Variants in MCC observed in about 807,000 individuals in gnomAD.
MCC encodes MCC regulator of Wnt signaling pathway.
In MCC, 90 loss-of-function variants were observed where a neutral mutation model predicts 116.2. The ratio of observed to expected loss-of-function variants is 0.77; its 90% CI spans 0.65 to 0.92. The LOEUF (loss-of-function observed/expected upper bound fraction) is 0.92, where lower values mean the gene tolerates loss of function less well. MCC is among the 40% of genes least tolerant of loss of function. MCC has a pLI of 0.00. For synonymous variants in MCC, 578 were observed against 510.5 expected (o/e 1.13, Z -1.78); for missense variants, 1,516 against 1,312.2 (o/e 1.16, Z -2.40).
At chr5:113,483,328 G>C (rs1193142998) in intron 1 of MCC, among the ~76,000 whole-genome samples, 1 of 152,158 alleles carries the variant, frequency 6.6e-6, no homozygotes, top group African/African-American at 2.4e-5. Context: ...TTCTGAGAAG[G>C]ACTGCATTGA....
intron 1 of MCC, 112 bp downstream of exon 1, chr5:113,488,133 C>T: frequency 2.6e-6 from 3 of 1,141,322 alleles, no homozygotes; most frequent in Non-Finnish European, 3.5e-6. Context: ...ACTTTTCCCG[C>T]GAGCTTCTGA....
At chr5:113,369,257 G>T (rs1470887689) in intron 2 of MCC, among the ~76,000 whole-genome samples, 1 of 151,648 alleles carries the variant, frequency 6.6e-6, no homozygotes, top group Admixed American at 6.6e-5. Flanking sequence ...TCCTGCCTTG[G>T]TCTTTTCAGT....
At chr5:113,252,593 A>G (rs1467262732) in intron 3 of MCC, among the ~76,000 whole-genome samples, 3 of 152,210 alleles carry the variant, frequency 2.0e-5, no homozygotes, top group Non-Finnish European at 4.4e-5. Flanking sequence ...TTCATTATAT[A>G]TTACAATGTA....
intron 1 of MCC, among the ~76,000 whole-genome samples, chr5:113,479,319 T>C (rs1772312468): frequency 6.6e-6 from 1 of 152,158 alleles, no homozygotes; most frequent in Admixed American, 6.5e-5. Context: ...GGACTGGGTC[T>C]GGGGTAGCAA....
intron 3 of MCC, among the ~76,000 whole-genome samples, chr5:113,222,418 ATCT>A (rs1192257833): frequency 1.3e-5 from 2 of 152,184 alleles, no homozygotes; most frequent in Non-Finnish European, 2.9e-5. Flanking sequence ...CATTAAGGTA[ATCT>A]TGGCCTCATA....
intron 6 of MCC, among the ~76,000 whole-genome samples, chr5:113,107,582 G>C (rs886948862): frequency 1.3e-5 from 2 of 152,160 alleles, no homozygotes; most frequent in African/African-American, 2.4e-5. Context: ...GTGAGGAGAA[G>C]AACAACTCAG....
rs371765695 is a variant in MCC, at chr5:113,135,327, G to C, written c.884+7891C>G. Among the ~76,000 whole-genome samples the C allele has an allele frequency of 8.7e-3, 1,273 of 146,146 alleles. 24 individuals are homozygous for C. The highest frequency in any genetic ancestry group is 0.04 in the East Asian group (186 of 4,622). ...CCCAGCACTTTGGGAGGCCGAGGCG[G>C]GTGGATCACAAGGTCAGGAGATCGA... is the stretch of plus-strand genomic sequence containing the variant. On this transcript the variant is annotated intron_variant, in intron 5 of 18. Coordinates refer to ENST00000408903, the MANE Select transcript of MCC (RefSeq NM_001085377.2).
intron 3 of MCC, among the ~76,000 whole-genome samples, chr5:113,250,254 G>C (rs1172408296): frequency 1.3e-5 from 2 of 152,198 alleles, no homozygotes; most frequent in South Asian, 4.1e-4. Flanking sequence ...AGTCACCAAG[G>C]AGCATCTTCC....
At chr5:113,092,986 C>T (rs1196439330) in intron 8 of MCC, among the ~76,000 whole-genome samples, 1 of 152,120 alleles carries the variant, frequency 6.6e-6, no homozygotes, top group Non-Finnish European at 1.5e-5. Context: ...AGGTGGGTCA[C>T]TATAGAATGC....
At chr5:113,437,744 T>TATA (rs1770903985) in intron 1 of MCC, among the ~76,000 whole-genome samples, 1 of 152,222 alleles carries the variant, frequency 6.6e-6, no homozygotes, top group Admixed American at 6.5e-5. Flanking sequence ...TTAGATGCTT[T>TATA]AAATTCAAAA....
intron 1 of MCC, among the ~76,000 whole-genome samples, chr5:113,400,549 C>A (rs1244663843): frequency 6.6e-6 from 1 of 152,178 alleles, no homozygotes; most frequent in Non-Finnish European, 1.5e-5. Flanking sequence ...AAGCAAGACT[C>A]AGCCTATCTT....
At chr5:113,395,574 C>A (rs1444304465) in intron 1 of MCC, among the ~76,000 whole-genome samples, 2 of 152,162 alleles carry the variant, frequency 1.3e-5, no homozygotes, top group Non-Finnish European at 2.9e-5. Flanking sequence ...TTTTCTCTTG[C>A]AATATATGAA....
At position 113,434,427 on chromosome 5, in the gene MCC, T is replaced by C. The variant is rs759461458; in HGVS notation, c.171-49215A>G. The C allele has an allele frequency of 6.2e-7, 1 of 1,613,864 alleles. No individual in the cohort carries two copies. Among genetic ancestry groups the C allele is most frequent in the Non-Finnish European group, 8.5e-7 (1 of 1,179,982 alleles). On this transcript the variant is annotated intron_variant, in intron 1 of 18. Coordinates refer to ENST00000408903, the MANE Select transcript of MCC (RefSeq NM_001085377.2). The surrounding 1 kb of genome is among the most constrained non-coding windows in gnomAD (Gnocchi z 4.2). The stretch of plus-strand genomic sequence containing the variant: ...CTTGTCAAGGAGAAGGTTGTCACAC[T>C]TGAGGTCCCGGTGGACGACGTCCAG...
At position 113,022,321 on chromosome 5, in the gene MCC, A is replaced by G. The variant is rs936168762; in HGVS notation, c.*4981T>C. Reference sequence around the variant, plus strand: ...AGGTATAGTACAGTGTTAAGTAGCAATTTTAAAATGAGACTTTCAGTACAA... The same window carrying G: ...AGGTATAGTACAGTGTTAAGTAGCAGTTTTAAAATGAGACTTTCAGTACAA... On this transcript the variant is annotated 3_prime_UTR_variant, in exon 19 of 19. Transcript: ENST00000408903. 7 of 152,666 alleles carry G rather than the reference A, an allele frequency of 4.6e-5. No homozygotes were observed. Among genetic ancestry groups the G allele is most frequent in the Admixed American group, 2.6e-4 (4 of 15,286 alleles). The allele number at this position is 152,666 out of a possible 1,614,324, so 9.5% of individuals were successfully genotyped here.
chr5:113,459,091 C>T (rs964353242), intron 1 of MCC, among the ~76,000 whole-genome samples: 12 of 135,710 alleles, frequency 8.8e-5, no homozygotes, highest in Admixed American at 2.3e-4. Flanking sequence ...ATGCTCTGAA[C>T]AGGTGATGGC....
At chr5:113,150,493 G>C (rs1289775272) in intron 4 of MCC, among the ~76,000 whole-genome samples, 1 of 151,606 alleles carries the variant, frequency 6.6e-6, no homozygotes, top group African/African-American at 2.4e-5. Context: ...ACATGAGACA[G>C]AAAAGAACGT....
At chr5:113,374,568 CAT>C (rs928422799) in intron 2 of MCC, among the ~76,000 whole-genome samples, 34 of 152,278 alleles carry the variant, frequency 2.2e-4, no homozygotes, top group African/African-American at 8.2e-4. Flanking sequence ...TTTGAAGTCA[CAT>C]GTTTCATCTT....
At position 113,082,827 on chromosome 5, in the gene MCC, C is replaced by T. The variant is rs200192310; in HGVS notation, c.1784+33G>A. Reference sequence around the variant, plus strand: ...AGTGAGGAGTAGCACCTCCTCCCTGCCCCACAATCAAATCGATACGATCTC... The same window carrying T: ...AGTGAGGAGTAGCACCTCCTCCCTGTCCCACAATCAAATCGATACGATCTC... On this transcript the variant is annotated intron_variant, in intron 11 of 18. Transcript: ENST00000408903. The T allele has an allele frequency of 2.2e-4, 352 of 1,607,702 alleles. 1 individual carries two copies. The African/African-American group carries it at 4.0e-3, about 18-fold the overall frequency.
At chr5:113,070,022 G>C (rs897125234) in intron 12 of MCC, among the ~76,000 whole-genome samples, 5 of 152,314 alleles carry the variant, frequency 3.3e-5, no homozygotes, top group African/African-American at 1.2e-4. Context: ...TTATCCATGA[G>C]GTTGTACTAA....
Sources: allele counts gnomAD v4.1 joint callset (sites outside exome capture counted in the v4.1 genomes callset), GRCh38; gene constraint gnomAD v4.1.1; non-coding constraint Gnocchi (gnomAD v3.1); transcripts MANE v1.5; gene names NCBI Gene and HGNC (gene_info 2026-07-23, HGNC 2026-07-21).